FTO: variants seen among roughly 807,000 people sequenced by gnomAD.
FTO encodes FTO alpha-ketoglutarate dependent dioxygenase.
FTO carries 47 observed loss-of-function variants against 63.9 expected under a neutral mutation model. The observed-to-expected ratio is 0.74, with a 90% CI of 0.58 to 0.94. The LOEUF (loss-of-function observed/expected upper bound fraction) is 0.94, where lower values mean the gene tolerates loss of function less well. Among genes scored for constraint, FTO ranks in the 40% least tolerant of loss-of-function variants. FTO has a pLI of 0.00. For missense variants in FTO, 562 were observed against 618.1 expected, an observed-to-expected ratio of 0.91 and a Z score of 0.96; for synonymous variants, 207 against 224.4, an observed-to-expected ratio of 0.92 and a Z score of 0.69.
chr16:53,795,768 C>T (rs1188327055), intron 1 of FTO, among the ~76,000 whole-genome samples: 1 of 152,036 alleles, frequency 6.6e-6, no homozygotes, highest in Non-Finnish European at 1.5e-5. Context: ...TGCCAATTAC[C>T]TACGAAAGAA....
At chr16:54,040,930 C>T (rs879354607) in intron 8 of FTO, among the ~76,000 whole-genome samples, 7 of 152,106 alleles carry the variant, frequency 4.6e-5, no homozygotes, top group African/African-American at 7.2e-5. Context: ...AAGAAAATAC[C>T]GAGGCTTCTC....
At chr16:54,016,150 A>G (rs986842088) in intron 8 of FTO, among the ~76,000 whole-genome samples, 3 of 152,150 alleles carry the variant, frequency 2.0e-5, no homozygotes, top group Non-Finnish European at 4.4e-5. Context: ...CACTTCCCAA[A>G]TGTTAGCAGA....
chr16:53,905,872 T>C (rs552295051), intron 7 of FTO, among the ~76,000 whole-genome samples: 1 of 152,314 alleles, frequency 6.6e-6, no homozygotes, highest in South Asian at 2.1e-4. Flanking sequence ...CACCCTTTTA[T>C]GCTAGTGGTG....
intron 6 of FTO, chr16:53,887,015 A>G (rs756658880): frequency 6.6e-6 from 1 of 152,202 alleles, no homozygotes; most frequent in Non-Finnish European, 1.5e-5. Context: ...TGAATGATAG[A>G]AGACTTAGAA....
In FTO at chr16:54,002,557, G is replaced by A. The variant is rs117776032; in HGVS notation, c.1364+68448G>A. The stretch of plus-strand genomic sequence containing the variant: ...AACCTGTGAGGAAAGCAGCACAGGC[G>A]TTGCCACTTAGGGACAGTTTCATGG... On this transcript the variant is annotated intron_variant, in intron 8 of 8. Coordinates refer to ENST00000471389, the MANE Select transcript of FTO (RefSeq NM_001080432.3). Among the ~76,000 whole-genome samples the A allele has an allele frequency of 1.3e-3, 202 of 152,292 alleles. No homozygotes were observed. In the East Asian group the frequency reaches 0.032, roughly 24 times the overall value.
At chr16:53,944,409 TG>T (rs1400564173) in intron 8 of FTO, among the ~76,000 whole-genome samples, 3 of 152,232 alleles carry the variant, frequency 2.0e-5, no homozygotes, top group Non-Finnish European at 1.5e-5. Context: ...GGTAGCTATT[TG>T]TCTCAAAGCA....
At chr16:53,822,918 A>G (rs1191472312) in intron 2 of FTO, among the ~76,000 whole-genome samples, 1 of 152,050 alleles carries the variant, frequency 6.6e-6, no homozygotes, top group Non-Finnish European at 1.5e-5. Context: ...TTTCTCTTGT[A>G]TCATTCTCAT....
At chr16:54,072,295 G>A (rs2085889556) in intron 8 of FTO, 1 of 152,094 alleles carries the variant, frequency 6.6e-6, no homozygotes, top group African/African-American at 2.4e-5. Context: ...TTGATTAACT[G>A]CAGTGGATCA....
chr16:53,983,566 GA>G (rs1176311004), intron 8 of FTO, among the ~76,000 whole-genome samples: 1 of 151,928 alleles, frequency 6.6e-6, no homozygotes, highest in African/African-American at 2.4e-5. Context: ...TTCAAGTAGG[GA>G]AAATAATTAT....
At chr16:53,916,791 T>C (rs1000628983) in intron 7 of FTO, among the ~76,000 whole-genome samples, 1 of 152,234 alleles carries the variant, frequency 6.6e-6, no homozygotes, top group African/African-American at 2.4e-5. Context: ...AATGTGAAAA[T>C]AGCCTTAAAT....
Position 53,844,197 on chromosome 16 carries a change from G to A in FTO, c.794G>A (p.Arg265Lys), listed in dbSNP as rs2079553725. The change falls in exon 4 of 9, where the codon AGG becomes AAG. Residue 265 changes from arginine to lysine, a missense_variant. Arg to Lys is a conservative substitution (Grantham distance 26). Coordinates refer to ENST00000471389, the MANE Select transcript of FTO (RefSeq NM_001080432.3). ...GAGGATGACTCTCATCTCGAAGGCAGGGATCCTGATATTTGGCATGTTGGT... is the reference window on the plus strand; with the variant it reads ...GAGGATGACTCTCATCTCGAAGGCAAGGATCCTGATATTTGGCATGTTGGT... ...ESEDDSHLEG[R>K]DPDIWHVGFK... The A allele has an allele frequency of 3.1e-6, 5 of 1,613,722 alleles. No individual in the cohort carries two copies. Among genetic ancestry groups the A allele is most frequent in the South Asian group, 2.2e-5 (2 of 91,082 alleles).
chr16:53,733,181 C>T (rs1018951583), intron 1 of FTO, among the ~76,000 whole-genome samples: 2 of 152,182 alleles, frequency 1.3e-5, no homozygotes, highest in African/African-American at 4.8e-5. Context: ...GGGAGGATCA[C>T]CTGAGGTCAG....
At chr16:53,828,823 A>G (rs1191357300) in intron 3 of FTO, among the ~76,000 whole-genome samples, 1 of 152,198 alleles carries the variant, frequency 6.6e-6, no homozygotes, top group Non-Finnish European at 1.5e-5. Flanking sequence ...ACCTAAGGCT[A>G]TGTGCATTAT....
chr16:53,932,630 T>G (rs2082310805), intron 7 of FTO, among the ~76,000 whole-genome samples: 1 of 152,130 alleles, frequency 6.6e-6, no homozygotes, highest in South Asian at 2.1e-4. Context: ...CCTCAAGCAA[T>G]CTGCCTGCCT....
intron 8 of FTO, chr16:53,935,957 C>T (rs908834134): frequency 3.3e-5 from 5 of 152,184 alleles, no homozygotes; most frequent in Non-Finnish European, 7.3e-5. Context: ...CCTGTAATAT[C>T]TCCTCTGCTT....
intron 7 of FTO, among the ~76,000 whole-genome samples, chr16:53,901,656 A>G (rs986172831): frequency 1.3e-5 from 2 of 152,082 alleles, no homozygotes; most frequent in Admixed American, 6.5e-5. Flanking sequence ...CAGTCACACC[A>G]ATTGAAAGAC....
At chr16:53,778,106 G>A (rs1218681363) in intron 1 of FTO, among the ~76,000 whole-genome samples, 8 of 152,126 alleles carry the variant, frequency 5.3e-5, no homozygotes, top group African/African-American at 1.9e-4. Context: ...CCAAGGACAT[G>A]CTTAAGTGAA....
chr16:54,020,926 G>C (rs1214123033), intron 8 of FTO, among the ~76,000 whole-genome samples: 1 of 152,030 alleles, frequency 6.6e-6, no homozygotes, highest in Non-Finnish European at 1.5e-5. Context: ...AGTCAAGATG[G>C]CACCACTGTA....
intron 3 of FTO, among the ~76,000 whole-genome samples, chr16:53,827,396 G>A (rs1234816217): frequency 6.6e-6 from 1 of 152,150 alleles, no homozygotes; most frequent in Non-Finnish European, 1.5e-5. Flanking sequence ...TCTCCTGTCT[G>A]ATTTACTGAA....
Sources: gnomAD v4.1 joint callset for allele counts (sites outside exome capture counted in the v4.1 genomes callset) on GRCh38, gnomAD v4.1.1 for gene constraint, MANE v1.5 for transcripts, NCBI Gene and HGNC (gene_info 2026-07-23, HGNC 2026-07-21) for gene names.